The following HIVEP1 variants were observed in gnomAD, a reference collection of about 807,000 sequenced individuals.
The protein encoded by HIVEP1 is HIVEP zinc finger 1.
HIVEP1 carries 36 observed loss-of-function variants against 180.0 expected under a neutral mutation model. That is an observed-to-expected ratio of 0.20 (90% CI 0.15 to 0.26). HIVEP1 has a LOEUF of 0.26. HIVEP1 is among the 10% of genes least tolerant of loss of function. The pLI is 1.00. For missense variants in HIVEP1, 3,143 were observed against 3,268.7 expected, an observed-to-expected ratio of 0.96 and a Z score of 0.94; for synonymous variants, 1,239 against 1,239.0, an observed-to-expected ratio of 1.00 and a Z score of 0.00.
chr6:12,172,266 G>A, the HIVEP1 span, among the ~76,000 whole-genome samples: 16 of 152,054 alleles, frequency 1.1e-4, no homozygotes. Flanking sequence ...ATTAGATATT[G>A]TATTAAGGGT....
chr6:12,014,572 A>G lies in HIVEP1; in HGVS notation c.-103-954A>G, dbSNP rs915393390. Among the ~76,000 whole-genome samples the G allele has an allele frequency of 2.6e-5, 4 of 152,184 alleles. No individual in the cohort carries two copies. The South Asian group carries it at 8.3e-4, about 31-fold the overall frequency. On this transcript the variant is annotated intron_variant, in intron 1 of 8. Coordinates refer to ENST00000379388, the MANE Select transcript of HIVEP1 (RefSeq NM_002114.4). ...TTGTGTCTTTGCTTAATGACTAAAC[A>G]TTGTTTCATGTTTAACAGTGACAGT...
At chr6:12,105,140 T>C (rs1284702041) in intron 3 of HIVEP1, among the ~76,000 whole-genome samples, 1 of 152,232 alleles carries the variant, frequency 6.6e-6, no homozygotes, top group African/African-American at 2.4e-5. Context: ...CTAAGATTCA[T>C]CTTAATTGAG....
chr6:12,132,004 TCTTTAAGTGCCAGTGGTGTCTGAAA>T (rs1161610137), intron 6 of HIVEP1, among the ~76,000 whole-genome samples: 2 of 152,190 alleles, frequency 1.3e-5, no homozygotes, highest in African/African-American at 4.8e-5. Context: ...AAATTAGTAC[TCTTTAAGTGCCAGTGGTGTCTGAAA>T]CAAGAATGAT....
At chr6:12,178,421 T>C in the HIVEP1 span, among the ~76,000 whole-genome samples, 6 of 152,180 alleles carry the variant, frequency 3.9e-5, no homozygotes, top group Non-Finnish European at 7.3e-5. Context: ...AGACCCCATC[T>C]CTACAAAAAT....
chr6:12,029,790 T>A (rs573543255), intron 2 of HIVEP1, among the ~76,000 whole-genome samples: 1 of 152,308 alleles, frequency 6.6e-6, no homozygotes, highest in South Asian at 2.1e-4. Context: ...CAGTGTTAAA[T>A]CACTCCTTTA....
intron 6 of HIVEP1, among the ~76,000 whole-genome samples, chr6:12,134,891 G>A (rs1256735404): frequency 1.3e-5 from 2 of 152,162 alleles, no homozygotes; most frequent in Admixed American, 1.3e-4. Context: ...AATTAATACA[G>A]GAAATGCTTT....
At chr6:12,166,925 A>T (rs535083638), downstream of HIVEP1, among the ~76,000 whole-genome samples, 16 of 152,336 alleles carry the variant, frequency 1.1e-4, no homozygotes, top group South Asian at 2.1e-4. Flanking sequence ...TGGAAAAAAC[A>T]GCTGAAGAAC....
the HIVEP1 span, among the ~76,000 whole-genome samples, chr6:12,170,086 A>T: frequency 6.6e-6 from 1 of 151,938 alleles, no homozygotes; most frequent in Non-Finnish European, 1.5e-5. Context: ...ATGCCGCTGC[A>T]CTCCAGCCTG....
chr6:12,211,710 T>C, the HIVEP1 span, among the ~76,000 whole-genome samples: 1 of 151,670 alleles, frequency 6.6e-6, no homozygotes, highest in Non-Finnish European at 1.5e-5. Flanking sequence ...CAAAATCACA[T>C]CTCCCCAAGG....
the HIVEP1 span, among the ~76,000 whole-genome samples, chr6:12,203,293 A>G: frequency 1.6e-4 from 24 of 152,210 alleles, no homozygotes; most frequent in Non-Finnish European, 4.4e-5. Context: ...GCTGATAAGG[A>G]CATTCCACAG....
chr6:12,083,619 G>C (rs1437340518), intron 2 of HIVEP1, among the ~76,000 whole-genome samples: 1 of 152,126 alleles, frequency 6.6e-6, no homozygotes, highest in Non-Finnish European at 1.5e-5. Flanking sequence ...CAGAGCTGCA[G>C]GGGAACAGAC....
intron 2 of HIVEP1, among the ~76,000 whole-genome samples, chr6:12,081,773 G>A (rs77514992): frequency 0.15 from 23,204 of 151,936 alleles, 2,331 homozygotes; most frequent in Non-Finnish European, 0.23. Context: ...CTGCTCCTTC[G>A]CAGTTCACTC....
the HIVEP1 span, among the ~76,000 whole-genome samples, chr6:12,177,679 C>T: frequency 6.6e-6 from 1 of 152,112 alleles, no homozygotes; most frequent in Non-Finnish European, 1.5e-5. Context: ...AACTGACAAT[C>T]AAATGTCCCT....
intron 3 of HIVEP1, among the ~76,000 whole-genome samples, chr6:12,103,376 A>G (rs1246261557): frequency 6.6e-6 from 1 of 152,174 alleles, no homozygotes. Flanking sequence ...CCAAGGTCAC[A>G]TAGCTGAAGC....
chr6:12,060,357 C>A (rs1489653854), intron 2 of HIVEP1, among the ~76,000 whole-genome samples: 3 of 152,188 alleles, frequency 2.0e-5, no homozygotes, highest in African/African-American at 7.2e-5. Flanking sequence ...CAGACAATTA[C>A]AGTATAAACT....
chr6:12,112,352 T>A (rs890595207), intron 3 of HIVEP1, among the ~76,000 whole-genome samples: 6 of 152,196 alleles, frequency 3.9e-5, no homozygotes, highest in African/African-American at 1.2e-4. Flanking sequence ...AGTTTGAATA[T>A]ATTGTCTAAA....
chr6:12,081,642 C>A (rs2113284602), intron 2 of HIVEP1, among the ~76,000 whole-genome samples: 1 of 152,178 alleles, frequency 6.6e-6, no homozygotes, highest in Non-Finnish European at 1.5e-5. Context: ...ACCTCTTATT[C>A]TTCTTGTATT....
At chr6:12,019,184 T>C (rs1768027563) in intron 2 of HIVEP1, among the ~76,000 whole-genome samples, 3 of 152,112 alleles carry the variant, frequency 2.0e-5, no homozygotes, top group South Asian at 2.1e-4. Context: ...TCTGAGCCAG[T>C]GTAGCTCACT....
chr6:12,042,816 A>C (rs1769863392), intron 2 of HIVEP1, among the ~76,000 whole-genome samples: 1 of 152,158 alleles, frequency 6.6e-6, no homozygotes, highest in Admixed American at 6.5e-5. Flanking sequence ...AACTTAGCTA[A>C]TAGTACTTTT....
Sources: gnomAD v4.1 joint callset for allele counts (sites outside exome capture counted in the v4.1 genomes callset) on GRCh38, gnomAD v4.1.1 for gene constraint, MANE v1.5 for transcripts, NCBI Gene and HGNC (gene_info 2026-07-23, HGNC 2026-07-21) for gene names.